SLIT3: variants seen among roughly 807,000 people sequenced by gnomAD.
The protein encoded by SLIT3 is slit guidance ligand 3, also known as slit homolog 3 protein.
Under a neutral mutation model 184.0 loss-of-function variants are expected in SLIT3, and 68 were observed. That is an observed-to-expected ratio of 0.37 (90% CI 0.30 to 0.45). SLIT3 has a LOEUF of 0.45. SLIT3 is among the 20% of genes least tolerant of loss of function. The pLI is 1.00. For synonymous variants in SLIT3, 831 were observed against 828.6 expected (o/e 1.00, Z -0.05); for missense variants, 1,707 against 2,026.0 (o/e 0.84, Z 3.02).
chr5:169,063,137 T>C (rs370349750), intron 4 of SLIT3, among the ~76,000 whole-genome samples: 3 of 152,164 alleles, frequency 2.0e-5, no homozygotes, highest in African/African-American at 7.2e-5. Flanking sequence ...GGGACGAAGT[T>C]TGTAATCATA....
At chr5:168,815,198 G>A (rs1055122445) in intron 8 of SLIT3, among the ~76,000 whole-genome samples, 3 of 152,228 alleles carry the variant, frequency 2.0e-5, no homozygotes, top group Non-Finnish European at 4.4e-5. Flanking sequence ...ACGTAACTAC[G>A]AACCTGTCCG....
intron 4 of SLIT3, among the ~76,000 whole-genome samples, chr5:168,952,519 G>C (rs1415897792): frequency 1.2e-5 from 1 of 84,720 alleles, no homozygotes; most frequent in African/African-American, 8.8e-5. Context: ...AGAGAAGAAG[G>C]GAAAATGCCA....
At chr5:169,255,951 G>C (rs910906112) in intron 1 of SLIT3, among the ~76,000 whole-genome samples, 2 of 152,150 alleles carry the variant, frequency 1.3e-5, no homozygotes, top group Non-Finnish European at 2.9e-5. Flanking sequence ...ATTTAGCATA[G>C]CCTAAGTGTA....
chr5:169,095,939 A>G (rs1483003733), intron 4 of SLIT3, among the ~76,000 whole-genome samples: 1 of 152,242 alleles, frequency 6.6e-6, no homozygotes, highest in Non-Finnish European at 1.5e-5. Context: ...ATCATAATGC[A>G]TTCTGTAAAA....
At chr5:168,743,429 T>C (rs781749279) in intron 20 of SLIT3, among the ~76,000 whole-genome samples, 5 of 152,216 alleles carry the variant, frequency 3.3e-5, no homozygotes, top group Non-Finnish European at 7.3e-5. Context: ...GATGTCTCTA[T>C]TGTAATTGTT....
At chr5:168,759,780 C>T (rs1291237449) in intron 16 of SLIT3, among the ~76,000 whole-genome samples, 1 of 152,108 alleles carries the variant, frequency 6.6e-6, no homozygotes, top group South Asian at 2.1e-4. Flanking sequence ...AGTGAGTCGG[C>T]GAATTCTCAA....
chr5:168,884,410 GTCTCTC>G (rs200163535), intron 4 of SLIT3, among the ~76,000 whole-genome samples: 1 of 54,394 alleles, frequency 1.8e-5, no homozygotes, highest in Non-Finnish European at 4.5e-5. Flanking sequence ...TATAAAAGGT[GTCTCTC>G]TCTCTCTCTC....
At chr5:169,250,700 C>A (rs1765742434) in intron 2 of SLIT3, among the ~76,000 whole-genome samples, 1 of 152,184 alleles carries the variant, frequency 6.6e-6, no homozygotes, top group Admixed American at 6.5e-5. Flanking sequence ...CATGGAGCCA[C>A]ACTTATGGGT....
At chr5:168,777,103 A>T (rs770008551) in intron 12 of SLIT3, among the ~76,000 whole-genome samples, 711 of 11,854 alleles carry the variant, frequency 0.06, 4 homozygotes, top group Non-Finnish European at 0.15. Flanking sequence ...ACACACACAC[A>T]CACCCCCCAT....
At chr5:169,080,834 G>A (rs1759005602) in intron 4 of SLIT3, among the ~76,000 whole-genome samples, 1 of 152,088 alleles carries the variant, frequency 6.6e-6, no homozygotes, top group Non-Finnish European at 1.5e-5. Context: ...AAAGCATGTT[G>A]ACCCTAAGAA....
At position 169,300,808 on chromosome 5, in the gene SLIT3, G is replaced by A. The variant is rs1292451931; in HGVS notation, c.-99C>T. On this transcript the variant is annotated 5_prime_UTR_variant, in exon 1 of 36. Transcript: ENST00000519560. The surrounding 1 kb of genome is among the most constrained non-coding windows in gnomAD (Gnocchi z 4.1). ...GGGAGCGCGGGCGGCCTGGGGAGCG[G>A]GCGGCGGAGTTAGCGCGGAGGAGGG... The A allele has an allele frequency of 1.7e-6, 2 of 1,191,720 alleles. No individual in the cohort carries two copies. Among genetic ancestry groups the A allele is most frequent in the Admixed American group, 4.4e-5 (1 of 22,846 alleles). 73.8% of individuals were successfully genotyped at this position (1,191,720 alleles called of 1,614,324 possible). A position where few individuals can be genotyped will look rare whatever the true frequency, so the allele number is the denominator to read the frequency against.
At chr5:169,008,608 G>T (rs1225192486) in intron 4 of SLIT3, among the ~76,000 whole-genome samples, 1 of 152,126 alleles carries the variant, frequency 6.6e-6, no homozygotes, top group African/African-American at 2.4e-5. Context: ...TGAGCCACAC[G>T]GTCTCTCTGT....
At chr5:169,259,284 C>T (rs1249935168) in intron 1 of SLIT3, among the ~76,000 whole-genome samples, 1 of 152,174 alleles carries the variant, frequency 6.6e-6, no homozygotes, top group African/African-American at 2.4e-5. Context: ...GTCTCGAACT[C>T]CTGACCTCAG....
intron 4 of SLIT3, among the ~76,000 whole-genome samples, chr5:168,982,509 T>C (rs897901385): frequency 6.6e-6 from 1 of 152,224 alleles, no homozygotes; most frequent in Non-Finnish European, 1.5e-5. Context: ...CAACTCCAGG[T>C]ATTTTGTTAT....
At chr5:168,772,608 C>A (rs982441293) in intron 14 of SLIT3, 173 bp downstream of exon 14, 64 of 626,146 alleles carry the variant, frequency 1.0e-4, no homozygotes, top group Admixed American at 3.2e-4. Flanking sequence ...TATTTTAAAT[C>A]CATAAGGTAA....
At chr5:169,031,797 C>T (rs953501577) in intron 4 of SLIT3, among the ~76,000 whole-genome samples, 4 of 152,080 alleles carry the variant, frequency 2.6e-5, no homozygotes, top group South Asian at 2.1e-4. Flanking sequence ...ATGATGACTT[C>T]GGCTATTGTC....
intron 4 of SLIT3, among the ~76,000 whole-genome samples, chr5:168,926,872 A>C (rs1356418407): frequency 1.3e-5 from 2 of 152,224 alleles, no homozygotes; most frequent in East Asian, 1.9e-4. Context: ...CAAAAAAAAA[A>C]CAAGTGTTGT....
chr5:169,274,768 C>T (rs947801229), intron 1 of SLIT3, among the ~76,000 whole-genome samples: 16 of 152,210 alleles, frequency 1.1e-4, no homozygotes, highest in African/African-American at 3.9e-4. Flanking sequence ...TCATAGCACC[C>T]AGGGTGTTGG....
At chr5:168,768,574 A>G (rs1213002063) in intron 14 of SLIT3, among the ~76,000 whole-genome samples, 1 of 152,186 alleles carries the variant, frequency 6.6e-6, no homozygotes, top group Non-Finnish European at 1.5e-5. Flanking sequence ...TTGAGCCTCT[A>G]AACTCCATTC....
Sources: gnomAD v4.1 joint callset for allele counts (sites outside exome capture counted in the v4.1 genomes callset) on GRCh38, gnomAD v4.1.1 for gene constraint, Gnocchi (gnomAD v3.1) non-coding constraint, MANE v1.5 for transcripts, NCBI Gene and HGNC (gene_info 2026-07-23, HGNC 2026-07-21) for gene names.